Variants in AHRR observed in about 807,000 individuals in gnomAD.
The protein encoded by AHRR is aryl hydrocarbon receptor repressor.
In AHRR, 28 loss-of-function variants were observed where a neutral mutation model predicts 44.0. The ratio of observed to expected loss-of-function variants is 0.64; its 90% CI spans 0.47 to 0.87. The LOEUF is 0.87. AHRR is among the 40% of genes least tolerant of loss of function. AHRR has a pLI of 0.00. For missense variants in AHRR, 990 were observed against 953.9 expected (o/e 1.04, Z -0.50); for synonymous variants, 434 against 407.0 (o/e 1.07, Z -0.80).
At chr5:403,136 T>C (rs1000183999) in intron 4 of AHRR, among the ~76,000 whole-genome samples, 14 of 152,258 alleles carry the variant, frequency 9.2e-5, no homozygotes, top group Non-Finnish European at 1.8e-4. Flanking sequence ...GCCTGCTTGA[T>C]TCGCTCAGAT....
intron 7 of AHRR, among the ~76,000 whole-genome samples, chr5:425,661 A>AT (rs1299788744): frequency 1.3e-5 from 2 of 152,220 alleles, no homozygotes; most frequent in East Asian, 3.8e-4. Flanking sequence ...AATTGGAAGG[A>AT]TTTTACTGTG....
Position 404,085 on chromosome 5 carries a change from C to A in AHRR, c.352-9259C>A. 2 of 639,782 alleles carry A rather than the reference C, an allele frequency of 3.1e-6. No homozygotes were observed. Among genetic ancestry groups the A allele is most frequent in the South Asian group, 1.5e-5 (1 of 65,668 alleles). The allele number at this position is 639,782 out of a possible 1,614,324, so 39.6% of individuals were successfully genotyped here. A position where few individuals can be genotyped will look rare whatever the true frequency, so the allele number is the denominator to read the frequency against. ...GTTGTCCAGCGTTTGAAGAAAAAGT[C>A]AGTTCCGTTGTCAGGGTTGGTCCAG... is the stretch of plus-strand genomic sequence containing the variant. On this transcript the variant is annotated intron_variant, in intron 4 of 10. Coordinates refer to ENST00000684583, the MANE Select transcript of AHRR (RefSeq NM_001377236.1). This position sits in a 1 kb window ranked among gnomAD's most constrained non-coding sequence, Gnocchi z 4.1.
chr5:328,351 T>G (rs2126321229), intron 1 of AHRR, among the ~76,000 whole-genome samples: 1 of 130,776 alleles, frequency 7.6e-6, no homozygotes, highest in East Asian at 2.7e-4. Context: ...CACTGCAACC[T>G]CTGCCTCCTG....
intron 4 of AHRR, among the ~76,000 whole-genome samples, chr5:396,408 GGGC>G (rs1160058268): frequency 1.3e-5 from 2 of 152,124 alleles, no homozygotes; most frequent in Non-Finnish European, 2.9e-5. Context: ...GTACTGAGGC[GGGC>G]GGCCCCAGCC....
At chr5:344,479 C>T (rs867888383) in intron 2 of AHRR, among the ~76,000 whole-genome samples, 19 of 6,244 alleles carry the variant, frequency 3.0e-3, no homozygotes, top group South Asian at 6.8e-3. Flanking sequence ...GCTGTGTGTG[C>T]GCGGGGGGAG....
intron 1 of AHRR, among the ~76,000 whole-genome samples, chr5:325,636 G>A (rs1246675110): frequency 2.0e-5 from 3 of 146,490 alleles, no homozygotes; most frequent in East Asian, 2.2e-4. Flanking sequence ...CCCACCCTCC[G>A]CACCACCTCC....
Position 376,667 on chromosome 5 carries a change from G to A in AHRR, c.302G>A (p.Ser101Asn), listed in dbSNP as rs1307880255. 1.9e-6 allele frequency: 3 copies of A among 1,594,422 alleles called. No homozygotes were observed. Among genetic ancestry groups the A allele is most frequent in the Non-Finnish European group, 2.6e-6 (3 of 1,168,952 alleles). Residue 101 changes from serine to asparagine, a missense_variant, in exon 4 of 11, where the codon AGC becomes AAC. Transcript: ENST00000684583. ...PAAGAPSPGD[S>N]CPLAGSAVLE... Reference sequence around the variant, plus strand: ...GCCGGCGCCCCCTCGCCCGGAGACAGCTGTCCTCTTGCAGGGTCTGCCGTG... The same window carrying A: ...GCCGGCGCCCCCTCGCCCGGAGACAACTGTCCTCTTGCAGGGTCTGCCGTG...
intron 5 of AHRR, among the ~76,000 whole-genome samples, chr5:415,370 G>T (rs1735695390): frequency 7.1e-6 from 1 of 141,416 alleles, no homozygotes; most frequent in Non-Finnish European, 1.6e-5. Flanking sequence ...AGTCTCCCTG[G>T]TCGGGTGGGA....
chr5:418,672 T>C (rs1735937228), intron 5 of AHRR: 1 of 152,296 alleles, frequency 6.6e-6, no homozygotes, highest in Admixed American at 6.5e-5. Context: ...TGGAAACTCA[T>C]GCGAGGGCCA....
chr5:432,371 T>C (rs565618363), intron 8 of AHRR, 92 bp from the exon 9 acceptor site: 2 of 1,266,254 alleles, frequency 1.6e-6, no homozygotes, highest in African/African-American at 1.5e-5. Context: ...GCAATACCTG[T>C]CATTATTAAT....
At chr5:373,950 C>T (rs947439436) in intron 3 of AHRR, among the ~76,000 whole-genome samples, 2 of 151,120 alleles carry the variant, frequency 1.3e-5, no homozygotes, top group African/African-American at 4.9e-5. Flanking sequence ...GGCGGGCGCC[C>T]GCGGGGGGCA....
chr5:393,957 G>A (rs369218777), intron 4 of AHRR, among the ~76,000 whole-genome samples: 1 of 152,202 alleles, frequency 6.6e-6, no homozygotes, highest in African/African-American at 2.4e-5. Context: ...TGGTGGTCGA[G>A]AGTTTTGTGG....
chr5:381,877 T>A (rs1393597009), intron 4 of AHRR, among the ~76,000 whole-genome samples: 2 of 152,214 alleles, frequency 1.3e-5, no homozygotes, highest in African/African-American at 4.8e-5. Context: ...TTTTATTCCT[T>A]GTTTTCTGAG....
At chr5:421,295 C>T (rs760356484) in intron 5 of AHRR, 2 of 697,348 alleles carry the variant, frequency 2.9e-6, no homozygotes, top group South Asian at 3.0e-5. Context: ...GAGGCTGTTG[C>T]GCTGCAGGTG....
At position 427,628 on chromosome 5, in the gene AHRR, ACT is replaced by A. The variant is rs1323796046; in HGVS notation, c.709-176_709-175del. ...CAGGATGATTCAAGCACATCGAATC[ACT>A]CTGCAGGCCCGGGGGTCACAGGCTT... On this transcript the variant is annotated intron_variant, in intron 7 of 10. Transcript: ENST00000684583. 3.7e-6 allele frequency: 6 copies of A among 1,612,628 alleles called. No individual in the cohort carries two copies. In the Admixed American group the frequency reaches 1.0e-4, roughly 27 times the overall value.
At position 337,027 on chromosome 5, in the gene AHRR, C is replaced by T. The variant is rs1742162108; in HGVS notation, c.-10-6866C>T. 1.3e-5 allele frequency among the ~76,000 whole-genome samples: 2 copies of T among 152,114 alleles called. No individual in the cohort carries two copies. The highest frequency in any genetic ancestry group is 4.8e-5 in the African/African-American group (2 of 41,410). On this transcript the variant is annotated intron_variant, in intron 1 of 10. Transcript: ENST00000684583. This position sits in a 1 kb window ranked among gnomAD's most constrained non-coding sequence, Gnocchi z 4.1. Reference sequence around the variant, plus strand: ...TGTGGAAAATCAATTGGTCATTGGTCATAATCAATTAGTATCTCTATTCTT... The same window carrying T: ...TGTGGAAAATCAATTGGTCATTGGTTATAATCAATTAGTATCTCTATTCTT...
At chr5:410,946 T>C (rs944214681) in intron 4 of AHRR, among the ~76,000 whole-genome samples, 1 of 152,224 alleles carries the variant, frequency 6.6e-6, no homozygotes, top group East Asian at 1.9e-4. Context: ...TAGTATTTTC[T>C]TATTATCCTT....
chr5:411,403 G>T lies in AHRR; in HGVS notation c.352-1941G>T, dbSNP rs1735462574. Among the ~76,000 whole-genome samples the T allele has an allele frequency of 2.6e-5, 4 of 152,032 alleles. No homozygotes were observed. The highest frequency in any genetic ancestry group is 2.6e-4 in the Admixed American group (4 of 15,270). The stretch of plus-strand genomic sequence containing the variant: ...ATTCTCCGTCATTTTGTGGAATGTT[G>T]TGGGGGATTTGGATTTAGGTAACTG... On this transcript the variant is annotated intron_variant, in intron 4 of 10. Coordinates refer to ENST00000684583, the MANE Select transcript of AHRR (RefSeq NM_001377236.1). This position sits in a 1 kb window ranked among gnomAD's most constrained non-coding sequence, Gnocchi z 4.2.
intron 4 of AHRR, among the ~76,000 whole-genome samples, chr5:379,613 G>GTTAT (rs1733899614): frequency 6.6e-6 from 1 of 152,142 alleles, no homozygotes; most frequent in Admixed American, 6.5e-5. Context: ...TTTTCATGTG[G>GTTAT]TTATTTGCAT....
Sources: gnomAD v4.1 joint callset for allele counts (sites outside exome capture counted in the v4.1 genomes callset) on GRCh38, gnomAD v4.1.1 for gene constraint, Gnocchi (gnomAD v3.1) non-coding constraint, MANE v1.5 for transcripts, NCBI Gene and HGNC (gene_info 2026-07-23, HGNC 2026-07-21) for gene names.